NTN1: variants seen among roughly 807,000 people sequenced by gnomAD.
The protein encoded by NTN1 is netrin 1.
A neutral mutation model predicts 54.2 loss-of-function variants in NTN1; 11 were observed. The ratio of observed to expected loss-of-function variants is 0.20; its 90% confidence interval spans 0.13 to 0.34. The LOEUF is 0.34. Among genes scored for constraint, NTN1 ranks in the 10% least tolerant of loss-of-function variants. The pLI is 1.00. For synonymous variants in NTN1, 371 were observed against 382.0 expected (o/e 0.97, Z 0.33); for missense variants, 740 against 893.1 (o/e 0.83, Z 2.18).
chr17:9,201,952 C>T (rs1904796174), intron 5 of NTN1, among the ~76,000 whole-genome samples: 4 of 143,980 alleles, frequency 2.8e-5, no homozygotes, highest in Admixed American at 2.1e-4. Context: ...CTTTGGGAGG[C>T]CAAGGCGGGC....
intron 2 of NTN1, among the ~76,000 whole-genome samples, chr17:9,041,604 A>AT (rs1167827119): frequency 6.6e-6 from 1 of 152,104 alleles, no homozygotes; most frequent in East Asian, 1.9e-4. Flanking sequence ...AGTTGTGTCC[A>AT]TTTTTTGGCT....
intron 2 of NTN1, among the ~76,000 whole-genome samples, chr17:9,055,877 A>G (rs1412063292): frequency 6.6e-6 from 1 of 151,778 alleles, no homozygotes; most frequent in African/African-American, 2.4e-5. Context: ...GCATGCCATT[A>G]TGCCTGGCTA....
chr17:9,204,575 G>A (rs1247669942), intron 5 of NTN1, among the ~76,000 whole-genome samples: 2 of 152,206 alleles, frequency 1.3e-5, no homozygotes, highest in East Asian at 1.9e-4. Flanking sequence ...GATTACAGGC[G>A]TGAGCCAAGC....
chr17:9,231,823 G>A (rs1905825438), intron 6 of NTN1, among the ~76,000 whole-genome samples: 1 of 152,126 alleles, frequency 6.6e-6, no homozygotes, highest in Admixed American at 6.6e-5. Flanking sequence ...ACTGGATTGA[G>A]CCCATGCCAA....
intron 5 of NTN1, among the ~76,000 whole-genome samples, chr17:9,195,192 A>AACCCCCCCC (rs1904593095): frequency 7.0e-6 from 1 of 142,400 alleles, no homozygotes; most frequent in Non-Finnish European, 1.5e-5. Flanking sequence ...GGCGAGCTCT[A>AACCCCCCCC]CCACCCCTCC....
intron 6 of NTN1, among the ~76,000 whole-genome samples, chr17:9,225,370 C>T (rs992710104): frequency 6.6e-6 from 1 of 152,150 alleles, no homozygotes; most frequent in Non-Finnish European, 1.5e-5. Context: ...CGGGCCTCTG[C>T]GGAGGGCTCA....
At chr17:9,116,057 G>C (rs1346191831) in intron 2 of NTN1, among the ~76,000 whole-genome samples, 1 of 152,226 alleles carries the variant, frequency 6.6e-6, no homozygotes, top group Non-Finnish European at 1.5e-5. Flanking sequence ...GCCCCAGAAA[G>C]CCGCCTGTGG....
At chr17:9,033,244 G>A (rs757205390) in intron 2 of NTN1, among the ~76,000 whole-genome samples, 70 of 152,144 alleles carry the variant, frequency 4.6e-4, no homozygotes, top group Admixed American at 8.5e-4. Flanking sequence ...GTGAGCCACC[G>A]TGCCCGGCCC....
chr17:9,007,275 C>G, the NTN1 span, among the ~76,000 whole-genome samples: 1 of 129,878 alleles, frequency 7.7e-6, no homozygotes, highest in South Asian at 2.4e-4. Flanking sequence ...TCTTTCTTTT[C>G]TTTCATCCCT....
chr17:9,079,584 T>C lies in NTN1; in HGVS notation c.1018+56193T>C, dbSNP rs116362621. Among the ~76,000 whole-genome samples the C allele has an allele frequency of 6.4e-3, 979 of 152,270 alleles. 11 individuals carry two copies. Among genetic ancestry groups the C allele is most frequent in the African/African-American group, 0.023 (943 of 41,546 alleles). The stretch of plus-strand genomic sequence containing the variant: ...TGAGGAAGTGGTTCCCCAGAGGAAG[T>C]GGTAGCCCAGTGGGTCTAGTTCCTG... On this transcript the variant is annotated intron_variant, in intron 2 of 6. Transcript: ENST00000173229.
chr17:9,035,079 T>C (rs892578093), intron 2 of NTN1, among the ~76,000 whole-genome samples: 1 of 152,158 alleles, frequency 6.6e-6, no homozygotes, highest in Admixed American at 6.5e-5. Flanking sequence ...CCCGAGTAGC[T>C]GGGACTACAG....
chr17:9,013,167 G>T, the NTN1 span, among the ~76,000 whole-genome samples: 5 of 151,344 alleles, frequency 3.3e-5, no homozygotes, highest in East Asian at 9.7e-4. Flanking sequence ...CTACCACAAT[G>T]CCAATACCAC....
intron 2 of NTN1, among the ~76,000 whole-genome samples, chr17:9,054,628 G>A (rs1198871825): frequency 6.6e-6 from 1 of 152,204 alleles, no homozygotes; most frequent in Non-Finnish European, 1.5e-5. Flanking sequence ...GAACAAGAGT[G>A]GGAGAATGAG....
Position 9,219,737 on chromosome 17 carries a change from C to T in NTN1, c.1412-1431C>T, listed in dbSNP as rs1250867800. On this transcript the variant is annotated intron_variant, in intron 5 of 6. Transcript: ENST00000173229. The surrounding 1 kb of genome is among the most constrained non-coding windows in gnomAD (Gnocchi z 4.5). The stretch of plus-strand genomic sequence containing the variant: ...TTTCCTGCTTCGGCTTCCCCTTGTG[C>T]TCCCACACAAATCACTCCTCCCCTA... Among the ~76,000 whole-genome samples the T allele has an allele frequency of 6.6e-6, 1 of 152,196 alleles. No homozygotes were observed. Among genetic ancestry groups the T allele is most frequent in the Non-Finnish European group, 1.5e-5 (1 of 68,028 alleles).
intron 3 of NTN1, among the ~76,000 whole-genome samples, chr17:9,170,845 T>C (rs1352118476): frequency 6.9e-6 from 1 of 145,060 alleles, no homozygotes; most frequent in Admixed American, 7.2e-5. Context: ...GCCCTATTCC[T>C]GCCCCAAGCT....
chr17:9,153,806 C>G (rs2092334541), intron 2 of NTN1, among the ~76,000 whole-genome samples: 1 of 152,186 alleles, frequency 6.6e-6, no homozygotes, highest in Non-Finnish European at 1.5e-5. Flanking sequence ...TCTTCCCTCA[C>G]ATGGTCTCTG....
chr17:9,026,403 A>G lies in NTN1; in HGVS notation c.1018+3012A>G, dbSNP rs907280596. On this transcript the variant is annotated intron_variant, in intron 2 of 6. Transcript: ENST00000173229. ...TTTGGATTTCTTCCGGGGGGGGGGAACAAACAACCCTCAAAACAATATGAA... is the reference window on the plus strand; with the variant it reads ...TTTGGATTTCTTCCGGGGGGGGGGAGCAAACAACCCTCAAAACAATATGAA... 5.6e-5 allele frequency among the ~76,000 whole-genome samples: 8 copies of G among 142,426 alleles called. No individual in the cohort carries two copies. The South Asian group carries it at 6.7e-4, about 12-fold the overall frequency. 93.4% of individuals were successfully genotyped at this position (142,426 alleles called of 152,430 possible). A position where few individuals can be genotyped will look rare whatever the true frequency, so the allele number is the denominator to read the frequency against.
chr17:9,042,430 C>T (rs2091925109), intron 2 of NTN1, among the ~76,000 whole-genome samples: 1 of 151,666 alleles, frequency 6.6e-6, no homozygotes, highest in Non-Finnish European at 1.5e-5. Flanking sequence ...CTATAATGCG[C>T]TATGACTGCA....
At position 9,072,414 on chromosome 17, in the gene NTN1, C is replaced by T. The variant is rs138481148; in HGVS notation, c.1018+49023C>T. 5.2e-3 allele frequency among the ~76,000 whole-genome samples: 797 copies of T among 152,274 alleles called. 7 individuals carry two copies. Among genetic ancestry groups the T allele is most frequent in the African/African-American group, 0.019 (769 of 41,540 alleles). On this transcript the variant is annotated intron_variant, in intron 2 of 6. Coordinates refer to ENST00000173229, the MANE Select transcript of NTN1 (RefSeq NM_004822.3). Reference sequence around the variant, plus strand: ...CTTAAGCCTCACTTCTACCCCTACCCCCCAACTTATTCTTGCCTTCTCTCA... The same window carrying T: ...CTTAAGCCTCACTTCTACCCCTACCTCCCAACTTATTCTTGCCTTCTCTCA...
Sources: allele counts gnomAD v4.1 joint callset (sites outside exome capture counted in the v4.1 genomes callset), GRCh38; gene constraint gnomAD v4.1.1; non-coding constraint Gnocchi (gnomAD v3.1); transcripts MANE v1.5; gene names NCBI Gene and HGNC (gene_info 2026-07-23, HGNC 2026-07-21).